Variants in VPS16 observed in about 807,000 individuals in gnomAD.
VPS16 encodes the protein VPS16 core subunit of CORVET and HOPS complexes, also known as vacuolar protein sorting-associated protein 16 homolog.
In VPS16, 82 loss-of-function variants were observed where a neutral mutation model predicts 116.0. The ratio of observed to expected loss-of-function variants is 0.71; its 90% CI spans 0.59 to 0.85. VPS16 has a LOEUF of 0.85. Ranked by LOEUF, VPS16 falls within the 40% of genes least tolerant of loss-of-function variation. The pLI is 0.00. For missense variants in VPS16, 928 were observed against 1,090.6 expected (o/e 0.85, Z 2.10); for synonymous variants, 406 against 420.7 (o/e 0.96, Z 0.43).
At chr20:2,854,265 A>ACACACACAC (rs375390884) in intron 1 of VPS16, among the ~76,000 whole-genome samples, 5 of 148,888 alleles carry the variant, frequency 3.4e-5, no homozygotes, top group South Asian at 2.1e-4. Flanking sequence ...ACACACACAC[A>ACACACACAC]AATTTTTTAG....
intron 1 of VPS16, among the ~76,000 whole-genome samples, chr20:2,857,510 C>CTT (rs201180356): frequency 4.5e-5 from 6 of 132,554 alleles, no homozygotes; most frequent in South Asian, 4.6e-4. Flanking sequence ...GTATTTCTTT[C>CTT]TTTTTTTTTT....
Position 2,857,016 on chromosome 20 carries a change from C to T in VPS16, c.54-2703C>T, listed in dbSNP as rs1340589992. Among the ~76,000 whole-genome samples, 28 of 149,262 alleles carry T rather than the reference C, an allele frequency of 1.9e-4. 1 individual carries two copies. The highest frequency in any genetic ancestry group is 2.7e-4 in the Admixed American group (4 of 14,812). The stretch of plus-strand genomic sequence containing the variant: ...TTTTTGAGACAGAGTCTCCCTCAGT[C>T]GCCCAAGCTGGAGTGCAGTGGCACA... On this transcript the variant is annotated intron_variant, in intron 1 of 23. Transcript: ENST00000380445.
At chr20:2,848,207 C>T (rs2089081112) in intron 1 of VPS16, among the ~76,000 whole-genome samples, 1 of 152,186 alleles carries the variant, frequency 6.6e-6, no homozygotes, top group Non-Finnish European at 1.5e-5. Flanking sequence ...CCTGCATTCA[C>T]TCACCACAAG....
At chr20:2,859,971 G>A (rs2089209659) in intron 2 of VPS16, 83 bp from the exon 3 acceptor site, 1 of 1,562,210 alleles carries the variant, frequency 6.4e-7, no homozygotes, top group Non-Finnish European at 8.8e-7. Context: ...CATGGGGTGG[G>A]CCTGGGGAGC....
intron 1 of VPS16, among the ~76,000 whole-genome samples, chr20:2,845,419 G>C (rs2089048721): frequency 6.6e-6 from 1 of 151,980 alleles, no homozygotes. Context: ...GGAGAGTTAA[G>C]ATACATTATA....
intron 1 of VPS16, among the ~76,000 whole-genome samples, chr20:2,842,741 T>TAG (rs367641946): frequency 0.041 from 927 of 22,390 alleles, 249 homozygotes; most frequent in African/African-American, 0.13. Flanking sequence ...TATCTATAGA[T>TAG]ACATATAGAT....
chr20:2,855,948 C>T (rs760107616), intron 1 of VPS16, among the ~76,000 whole-genome samples: 17 of 152,240 alleles, frequency 1.1e-4, no homozygotes, highest in Admixed American at 8.5e-4. Flanking sequence ...TTCCTGTATT[C>T]ACTGGAGTAG....
In VPS16 at chr20:2,856,696, C is replaced by T. The variant is rs377135530; in HGVS notation, c.54-3023C>T. ...TGAAATAGCATTTATTGTGGTTCTTCCTATATGGCCCATAGTCTCGTTTCA... is the reference window on the plus strand; with the variant it reads ...TGAAATAGCATTTATTGTGGTTCTTTCTATATGGCCCATAGTCTCGTTTCA... On this transcript the variant is annotated intron_variant, in intron 1 of 23. Coordinates refer to ENST00000380445, the MANE Select transcript of VPS16 (RefSeq NM_022575.4). Among the ~76,000 whole-genome samples, 33 of 152,272 alleles carry T rather than the reference C, an allele frequency of 2.2e-4. No individual in the cohort carries two copies. The East Asian group carries it at 3.5e-3, about 16-fold the overall frequency.
At chr20:2,854,592 G>C (rs1375574380) in intron 1 of VPS16, among the ~76,000 whole-genome samples, 1 of 151,744 alleles carries the variant, frequency 6.6e-6, no homozygotes, top group Admixed American at 6.6e-5. Context: ...TCAGGAGTTC[G>C]AGACCAGCCT....
At chr20:2,858,305 C>G (rs2089195153) in intron 1 of VPS16, among the ~76,000 whole-genome samples, 1 of 152,108 alleles carries the variant, frequency 6.6e-6, no homozygotes, top group African/African-American at 2.4e-5. Context: ...CAGGGTTTCT[C>G]CATGTTGCCC....
chr20:2,856,268 G>A (rs745909929), intron 1 of VPS16, among the ~76,000 whole-genome samples: 29 of 152,106 alleles, frequency 1.9e-4, no homozygotes, highest in Admixed American at 3.9e-4. Context: ...ACATTTATCC[G>A]TTAAGCTCAC....
rs780130069 is a variant in VPS16, at chr20:2,840,866, C to G, written c.53+39C>G. ...CCCTCCCGCCCACGGCCTGGCTTAC[C>G]CTGCTCGCCCGCCGGCTGGAGTCTC... On this transcript the variant is annotated intron_variant, in intron 1 of 23. Coordinates refer to ENST00000380445, the MANE Select transcript of VPS16 (RefSeq NM_022575.4). 4.0e-6 allele frequency: 6 copies of G among 1,502,924 alleles called. No homozygotes were observed. In the South Asian group the frequency reaches 6.1e-5, roughly 15 times the overall value. The allele number at this position is 1,502,924 out of a possible 1,614,324, so 93.1% of individuals were successfully genotyped here. A position where few individuals can be genotyped will look rare whatever the true frequency, so the allele number is the denominator to read the frequency against.
Position 2,864,153 on chromosome 20 carries a change from T to A in VPS16, c.1612-26T>A. The A allele has an allele frequency of 1.2e-6, 2 of 1,614,164 alleles. No individual in the cohort carries two copies. Among genetic ancestry groups the A allele is most frequent in the South Asian group, 2.2e-5 (2 of 91,086 alleles). ...AGGGCCCCCATGCCAGCTCCTTCTC[T>A]CTGTGCCTTCCTTCTCACCTCACAG... is the stretch of plus-strand genomic sequence containing the variant. On this transcript the variant is annotated intron_variant, in intron 16 of 23. Transcript: ENST00000380445. This position sits in a 1 kb window ranked among gnomAD's most constrained non-coding sequence, Gnocchi z 5.2.
chr20:2,848,225 C>A (rs1214904572), intron 1 of VPS16, among the ~76,000 whole-genome samples: 1 of 152,112 alleles, frequency 6.6e-6, no homozygotes, highest in African/African-American at 2.4e-5. Flanking sequence ...AAGGGCTCTA[C>A]TTCTATTTAT....
chr20:2,859,983 A>T, intron 2 of VPS16, 71 bp from the exon 3 acceptor site: 1 of 1,587,780 alleles, frequency 6.3e-7, no homozygotes, highest in Non-Finnish European at 8.6e-7. Flanking sequence ...CTGGGGAGCC[A>T]GGATGTGAGG....
Position 2,840,838 on chromosome 20 carries a change from C to CCCCCCCA in VPS16, c.53+12_53+13insCCCCCAC. On this transcript the variant is annotated intron_variant, in intron 1 of 23. Transcript: ENST00000380445. ...CTCTGCCTTTTACCGGTGAGCTGCC[C>CCCCCCCA]CGCCCTCCCGCCCACGGCCTGGCTT... 6.6e-7 allele frequency: 1 copy of CCCCCCCA among 1,520,980 alleles called. No homozygotes were observed. The highest frequency in any genetic ancestry group is 2.3e-4 in the Middle Eastern group (1 of 4,290). The allele number at this position is 1,520,980 out of a possible 1,614,324, so 94.2% of individuals were successfully genotyped here.
In VPS16 at chr20:2,860,554, G is replaced by A; in HGVS notation, c.475G>A (p.Val159Met). The change falls in exon 5 of 24, where the codon GTG becomes ATG. Residue 159 changes from valine (V) to methionine (M), a missense_variant. Val to Met is a conservative substitution (Grantham distance 21). Coordinates refer to ENST00000380445, the MANE Select transcript of VPS16 (RefSeq NM_022575.4). The surrounding 1 kb of genome is among the most constrained non-coding windows in gnomAD (Gnocchi z 6.1). ...CCACCGCTTCACCCTCAGTGCCAAT[G>A]TGGGTGACCTCAAACTCCGCCGGAT... ...GAHRFTLSAN[V>M]GDLKLRRMPE... is the part of the protein sequence containing the mutation. 1 of 1,613,942 alleles carries A rather than the reference G, an allele frequency of 6.2e-7. No homozygotes were observed. Among genetic ancestry groups the A allele is most frequent in the Non-Finnish European group, 8.5e-7 (1 of 1,180,016 alleles).
intron 1 of VPS16, among the ~76,000 whole-genome samples, chr20:2,852,420 C>T (rs2089131449): frequency 6.6e-6 from 1 of 152,096 alleles, no homozygotes; most frequent in Non-Finnish European, 1.5e-5. Flanking sequence ...TGATAACTGG[C>T]ATGCTAGATT....
chr20:2,846,025 T>C (rs1323759311), intron 1 of VPS16, among the ~76,000 whole-genome samples: 2 of 152,142 alleles, frequency 1.3e-5, no homozygotes, highest in Non-Finnish European at 2.9e-5. Context: ...CCATGGACAC[T>C]TGGGTTGCTG....
Sources: gnomAD v4.1 joint callset for allele counts (sites outside exome capture counted in the v4.1 genomes callset) on GRCh38, gnomAD v4.1.1 for gene constraint, Gnocchi (gnomAD v3.1) non-coding constraint, MANE v1.5 for transcripts, NCBI Gene and HGNC (gene_info 2026-07-23, HGNC 2026-07-21) for gene names.